Variants in OAF observed in about 807,000 individuals in gnomAD.
OAF encodes the protein out at first protein homolog.
In OAF, 13 loss-of-function variants were observed where a neutral mutation model predicts 22.5. The observed-to-expected ratio is 0.58, with a 90% confidence interval of 0.38 to 0.92. The LOEUF (loss-of-function observed/expected upper bound fraction) is 0.92, where lower values mean the gene tolerates loss of function less well. Among genes scored for constraint, OAF ranks in the 40% least tolerant of loss-of-function variants. OAF has a pLI of 0.00. For missense variants in OAF, 347 were observed against 381.8 expected, an observed-to-expected ratio of 0.91 and a Z score of 0.76; for synonymous variants, 175 against 170.5, an observed-to-expected ratio of 1.03 and a Z score of -0.21.
At chr11:120,228,829 T>TCCCCC in intron 3 of OAF, 39 bp from the exon 4 acceptor site, 11 of 347,942 alleles carry the variant, frequency 3.2e-5, no homozygotes, top group South Asian at 8.6e-5. Context: ...CTTCCCTCCC[T>TCCCCC]CCCTCCCTCC....
Position 120,229,217 on chromosome 11 carries a change from C to T in OAF, c.*75C>T, listed in dbSNP as rs1938404486. ...AGCCACTAGAGGGGGTGGCAACCCC[C>T]ACCTGAGGCCTTATTTCCCTCCCTC... is the stretch of plus-strand genomic sequence containing the variant. On this transcript the variant is annotated 3_prime_UTR_variant, in exon 4 of 4. Transcript: ENST00000328965. 2 of 1,363,000 alleles carry T rather than the reference C, an allele frequency of 1.5e-6. No individual in the cohort carries two copies. The highest frequency in any genetic ancestry group is 1.0e-6 in the Non-Finnish European group (1 of 976,604). 84.4% of individuals were successfully genotyped at this position (1,363,000 alleles called of 1,614,324 possible).
chr11:120,211,179 G>C lies in OAF; in HGVS notation c.-101G>C, dbSNP rs1233541368. Reference sequence around the variant, plus strand: ...CAAGGCCCCCGGCGGAGCGGCTCCCGGGCGCCCCGAACTAGCCCCCAACTT... The same window carrying C: ...CAAGGCCCCCGGCGGAGCGGCTCCCCGGCGCCCCGAACTAGCCCCCAACTT... On this transcript the variant is annotated 5_prime_UTR_variant, in exon 1 of 4. Transcript: ENST00000328965. The C allele has an allele frequency of 1.6e-6, 1 of 614,236 alleles. No homozygotes were observed. The highest frequency in any genetic ancestry group is 2.2e-6 in the Non-Finnish European group (1 of 452,780). The allele number at this position is 614,236 out of a possible 1,614,324, so 38.0% of individuals were successfully genotyped here. A position where few individuals can be genotyped will look rare whatever the true frequency, so the allele number is the denominator to read the frequency against.
intron 2 of OAF, 63 bp downstream of exon 2, chr11:120,225,858 C>G (rs1399471603): frequency 1.3e-6 from 2 of 1,484,914 alleles, no homozygotes; most frequent in East Asian, 2.5e-5. Flanking sequence ...GGCCCAGATC[C>G]CATCCCGCAG....
chr11:120,215,709 GC>G (rs1565341025), intron 1 of OAF, among the ~76,000 whole-genome samples: 1 of 152,188 alleles, frequency 6.6e-6, no homozygotes, highest in Non-Finnish European at 1.5e-5. Context: ...CTATTTGACA[GC>G]CCTTCTGGTC....
At chr11:120,218,501 T>A (rs928188766) in intron 1 of OAF, among the ~76,000 whole-genome samples, 1 of 152,158 alleles carries the variant, frequency 6.6e-6, no homozygotes, top group Admixed American at 6.5e-5. Flanking sequence ...TCTCTAGCCA[T>A]AAAGCAGCCC....
intron 1 of OAF, among the ~76,000 whole-genome samples, chr11:120,221,808 T>G (rs1421959559): frequency 6.6e-6 from 1 of 152,206 alleles, no homozygotes; most frequent in Admixed American, 6.5e-5. Context: ...GGATGTAGTA[T>G]GCTCCAGTTC....
Position 120,226,949 on chromosome 11 carries a change from A to T in OAF, c.500A>T (p.Asp167Val). ...HLHNVCAEAV[D>V]AIYTRQEDVR... ...CACAACGTGTGTGCCGAGGCCGTGGATGCCATCTACACCCGCCAGGAGGAT... is the reference window on the plus strand; with the variant it reads ...CACAACGTGTGTGCCGAGGCCGTGGTTGCCATCTACACCCGCCAGGAGGAT... The change falls in exon 3 of 4, where the codon GAT (aspartate) becomes GTT (valine). Residue 167 changes from aspartate (D) to valine (V), a missense_variant. Asp to Val is a radical substitution (Grantham distance 152, BLOSUM62 -3). Coordinates refer to ENST00000328965, the MANE Select transcript of OAF (RefSeq NM_178507.4). 6.2e-7 allele frequency: 1 copy of T among 1,608,348 alleles called. No individual in the cohort carries two copies. The highest frequency in any genetic ancestry group is 1.1e-5 in the South Asian group (1 of 90,500).
At position 120,222,443 on chromosome 11, in the gene OAF, C is replaced by G. The variant is rs190266923; in HGVS notation, c.232-3218C>G. ...TGGTGGCACATGCCTGTAATCCCAGCTACTCCAGAGGCTGAGGCCGGAGAA... is the reference window on the plus strand; with the variant it reads ...TGGTGGCACATGCCTGTAATCCCAGGTACTCCAGAGGCTGAGGCCGGAGAA... On this transcript the variant is annotated intron_variant, in intron 1 of 3. Coordinates refer to ENST00000328965, the MANE Select transcript of OAF (RefSeq NM_178507.4). 1.3e-4 allele frequency among the ~76,000 whole-genome samples: 20 copies of G among 152,224 alleles called. No individual in the cohort carries two copies. In the East Asian group the frequency reaches 3.7e-3, roughly 28 times the overall value.
At chr11:120,216,903 C>G (rs143009844) in intron 1 of OAF, among the ~76,000 whole-genome samples, 1 of 152,228 alleles carries the variant, frequency 6.6e-6, no homozygotes, top group African/African-American at 2.4e-5. Flanking sequence ...AGCAGTCCCT[C>G]ATGTCACACA....
chr11:120,223,914 C>T lies in OAF; in HGVS notation c.232-1747C>T, dbSNP rs184501904. On this transcript the variant is annotated intron_variant, in intron 1 of 3. Transcript: ENST00000328965. ...AAGTCTGGTATCAAGTCTCACCTGG[C>T]AGGAATTGAGCCCAGAATGGAATAT... 2.6e-3 allele frequency among the ~76,000 whole-genome samples: 403 copies of T among 152,300 alleles called. 5 individuals carry two copies. The highest frequency in any genetic ancestry group is 8.5e-3 in the African/African-American group (354 of 41,556).
rs747441332 is a variant in OAF at position 120,226,853 on chromosome 11, G to A, written c.404G>A (p.Arg135Gln). The stretch of plus-strand genomic sequence containing the variant: ...GCAGTGCGGCAGGCGGAGGAGGTTC[G>A]GGGTCTGGAGCATCTGCACATGGAT... ...PRAVRQAEEV[R>Q]GLEHLHMDVA... Residue 135 changes from arginine (R) to glutamine (Q), a missense_variant, in exon 3 of 4, where the codon CGG (arginine) becomes CAG (glutamine). Coordinates refer to ENST00000328965, the MANE Select transcript of OAF (RefSeq NM_178507.4). 9.3e-6 allele frequency: 15 copies of A among 1,607,524 alleles called. No homozygotes were observed. Among genetic ancestry groups the A allele is most frequent in the South Asian group, 2.2e-5 (2 of 90,456 alleles).
intron 1 of OAF, among the ~76,000 whole-genome samples, chr11:120,215,158 A>G (rs1938192661): frequency 6.6e-6 from 1 of 152,182 alleles, no homozygotes; most frequent in African/African-American, 2.4e-5. Context: ...AGCCTGGCCA[A>G]TATGGCGAAA....
At chr11:120,212,097 C>T (rs1178932880) in intron 1 of OAF, among the ~76,000 whole-genome samples, 7 of 152,194 alleles carry the variant, frequency 4.6e-5, no homozygotes, top group Non-Finnish European at 8.8e-5. Context: ...AAGGCTGGGG[C>T]GCTTGCAGCA....
chr11:120,214,829 A>G (rs61898278), intron 1 of OAF, among the ~76,000 whole-genome samples: 6,630 of 152,322 alleles, frequency 0.044, 226 homozygotes, highest in Admixed American at 0.11. Flanking sequence ...GCTTGGAGCT[A>G]TCAGATGGCC....
At chr11:120,221,073 G>A (rs1240628973) in intron 1 of OAF, among the ~76,000 whole-genome samples, 1 of 152,120 alleles carries the variant, frequency 6.6e-6, no homozygotes, top group African/African-American at 2.4e-5. Context: ...GCCACCCCCA[G>A]CCCCAACCTT....
In OAF at chr11:120,229,042, A is replaced by G. The variant is rs1591361731; in HGVS notation, c.722A>G (p.Tyr241Cys). 1 of 1,613,624 alleles carries G rather than the reference A, an allele frequency of 6.2e-7. No homozygotes were observed. Among genetic ancestry groups the G allele is most frequent in the Non-Finnish European group, 8.5e-7 (1 of 1,179,978 alleles). Residue 241 changes from tyrosine to cysteine, a missense_variant, in exon 4 of 4, where the codon TAC (tyrosine) becomes TGC (cysteine). Physicochemically the swap from Tyr to Cys is radical, Grantham distance 194. Coordinates refer to ENST00000328965, the MANE Select transcript of OAF (RefSeq NM_178507.4). ...YCHSRDRPTP[Y>C]KCGIRSCQKS... ...CACAGCCGCGACCGGCCCACGCCCT[A>G]CAAGTGTGGCATCCGCAGCTGCCAG...
chr11:120,224,096 T>C (rs1353202952), intron 1 of OAF, among the ~76,000 whole-genome samples: 2 of 152,204 alleles, frequency 1.3e-5, no homozygotes, highest in African/African-American at 4.8e-5. Context: ...CTGATCACCT[T>C]CTTCACAAAT....
intron 1 of OAF, among the ~76,000 whole-genome samples, chr11:120,223,061 C>T (rs1277388491): frequency 2.0e-5 from 3 of 152,354 alleles, no homozygotes; most frequent in Non-Finnish European, 1.5e-5. Flanking sequence ...CATTCGAAGG[C>T]AGGTGTGCTG....
chr11:120,219,989 G>A (rs949625851), intron 1 of OAF, among the ~76,000 whole-genome samples: 2 of 152,234 alleles, frequency 1.3e-5, no homozygotes, highest in Admixed American at 1.3e-4. Context: ...TAAGCATTGA[G>A]CCCCAGCTGT....
Sources: gnomAD v4.1 joint callset for allele counts (sites outside exome capture counted in the v4.1 genomes callset) on GRCh38, gnomAD v4.1.1 for gene constraint, MANE v1.5 for transcripts, NCBI Gene and HGNC (gene_info 2026-07-23, HGNC 2026-07-21) for gene names.